Variants in PRR16 observed in about 807,000 individuals in gnomAD.
The protein encoded by PRR16 is proline rich 16.
In PRR16, 6 loss-of-function variants were observed where a neutral mutation model predicts 18.2. The ratio of observed to expected loss-of-function variants is 0.33; its 90% CI spans 0.18 to 0.65. The LOEUF (loss-of-function observed/expected upper bound fraction) is 0.65. Among genes scored for constraint, PRR16 ranks in the 30% least tolerant of loss-of-function variants. PRR16 has a pLI of 0.74. For synonymous variants in PRR16, 151 were observed against 147.8 expected (o/e 1.02, Z -0.16); for missense variants, 412 against 376.6 (o/e 1.09, Z -0.78).
chr5:120,485,892 A>G (rs1749782053), intron 1 of PRR16, among the ~76,000 whole-genome samples: 1 of 152,172 alleles, frequency 6.6e-6, no homozygotes, highest in Admixed American at 6.5e-5. Context: ...GAGTGAGAAC[A>G]TGCGACATTT....
intron 1 of PRR16, among the ~76,000 whole-genome samples, chr5:120,607,395 C>G (rs1754188192): frequency 6.6e-6 from 1 of 152,034 alleles, no homozygotes; most frequent in Admixed American, 6.6e-5. Context: ...GAAACTAAAA[C>G]AAACTTTTTA....
chr5:120,680,315 C>A (rs1238502107), intron 1 of PRR16, among the ~76,000 whole-genome samples: 1 of 152,082 alleles, frequency 6.6e-6, no homozygotes, highest in Non-Finnish European at 1.5e-5. Flanking sequence ...GATATACCTA[C>A]TGAATATATC....
At chr5:120,555,304 T>A (rs1406927399) in intron 1 of PRR16, among the ~76,000 whole-genome samples, 1 of 151,934 alleles carries the variant, frequency 6.6e-6, no homozygotes, top group Admixed American at 6.6e-5. Flanking sequence ...TAAGTCAGTT[T>A]TGAATAACAT....
Position 120,673,026 on chromosome 5 carries a change from G to A in PRR16, c.160-12928G>A, listed in dbSNP as rs545029362. Among the ~76,000 whole-genome samples the A allele has an allele frequency of 2.6e-5, 4 of 152,300 alleles. No individual in the cohort carries two copies. The East Asian group carries it at 7.7e-4, about 29-fold the overall frequency. ...AGGCATGAGTCTGTTAAAATCACAA[G>A]ATAGGTGATGAAAACAGGAATTAAA... On this transcript the variant is annotated intron_variant, in intron 1 of 1. Coordinates refer to ENST00000407149, the MANE Select transcript of PRR16 (RefSeq NM_001300783.2).
intron 1 of PRR16, chr5:120,658,195 T>C (rs1210585538): frequency 1.3e-5 from 2 of 151,990 alleles, no homozygotes; most frequent in East Asian, 3.9e-4. Flanking sequence ...GATTTCACAA[T>C]GGAAGGCATC....
intron 1 of PRR16, among the ~76,000 whole-genome samples, chr5:120,651,888 G>A (rs954165173): frequency 1.3e-5 from 2 of 151,954 alleles, no homozygotes; most frequent in African/African-American, 2.4e-5. Context: ...AGCTTGATGG[G>A]GATGGCATTG....
intron 1 of PRR16, among the ~76,000 whole-genome samples, chr5:120,672,236 GTC>G (rs1198241007): frequency 2.7e-5 from 3 of 112,630 alleles, no homozygotes; most frequent in African/African-American, 7.2e-5. Flanking sequence ...CAGGTGAGGG[GTC>G]TGTGTGTGTG....
At chr5:120,783,626 G>A in the PRR16 span, among the ~76,000 whole-genome samples, 1 of 152,056 alleles carries the variant, frequency 6.6e-6, no homozygotes, top group African/African-American at 2.4e-5. Flanking sequence ...AGGGGTATGT[G>A]AAATATTTTG....
At chr5:120,694,541 G>T in the PRR16 span, among the ~76,000 whole-genome samples, 3 of 151,858 alleles carry the variant, frequency 2.0e-5, no homozygotes, top group Non-Finnish European at 2.9e-5. Context: ...AAAATTAGCC[G>T]GGCGAGGTGG....
intron 1 of PRR16, among the ~76,000 whole-genome samples, chr5:120,663,227 T>C (rs756827395): frequency 6.6e-6 from 1 of 152,098 alleles, no homozygotes; most frequent in Non-Finnish European, 1.5e-5. Flanking sequence ...CCTTAGCTGA[T>C]AGTATTTCAA....
intron 1 of PRR16, chr5:120,618,430 G>T: frequency 1.1e-6 from 1 of 952,036 alleles, no homozygotes; most frequent in Non-Finnish European, 1.3e-6. Flanking sequence ...TAATTATACT[G>T]TTTTTTAACA....
At chr5:120,665,927 A>T (rs941075620) in intron 1 of PRR16, among the ~76,000 whole-genome samples, 1 of 152,058 alleles carries the variant, frequency 6.6e-6, no homozygotes, top group Non-Finnish European at 1.5e-5. Flanking sequence ...CTTAGGATTG[A>T]CTTGGCAATG....
chr5:120,535,603 C>A (rs139062550), intron 1 of PRR16, among the ~76,000 whole-genome samples: 2 of 152,246 alleles, frequency 1.3e-5, no homozygotes, highest in Non-Finnish European at 2.9e-5. Flanking sequence ...AGTTCAAAAT[C>A]AGCCTGGCCA....
chr5:120,772,070 T>G, the PRR16 span, among the ~76,000 whole-genome samples: 2 of 151,916 alleles, frequency 1.3e-5, no homozygotes, highest in African/African-American at 4.8e-5. Context: ...ATTCAAAGAT[T>G]AAAGAATATG....
intron 1 of PRR16, among the ~76,000 whole-genome samples, chr5:120,616,759 C>T (rs1470874345): frequency 6.6e-6 from 1 of 152,120 alleles, no homozygotes; most frequent in African/African-American, 2.4e-5. Flanking sequence ...TGGTAACCTA[C>T]AAAGCATCCA....
the PRR16 span, among the ~76,000 whole-genome samples, chr5:120,753,030 G>A: frequency 3.6e-3 from 545 of 151,964 alleles, 8 homozygotes; most frequent in African/African-American, 0.012. Flanking sequence ...TCCACGAATA[G>A]ATGAGGAAAC....
chr5:120,572,831 G>A (rs1279998027), intron 1 of PRR16, among the ~76,000 whole-genome samples: 1 of 152,080 alleles, frequency 6.6e-6, no homozygotes, highest in African/African-American at 2.4e-5. Context: ...TGTAGGGAAT[G>A]GTCAAATTGG....
intron 1 of PRR16, among the ~76,000 whole-genome samples, chr5:120,497,821 AT>A (rs200975756): frequency 1.1e-4 from 16 of 151,322 alleles, no homozygotes; most frequent in Admixed American, 4.0e-4. Flanking sequence ...CATTATATAT[AT>A]TTTTTTATTT....
At chr5:120,768,826 G>A in the PRR16 span, among the ~76,000 whole-genome samples, 2 of 151,630 alleles carry the variant, frequency 1.3e-5, no homozygotes, top group African/African-American at 4.8e-5. Context: ...TCCTTTCCCC[G>A]CTTAGACATT....
Sources: gnomAD v4.1 joint callset for allele counts (sites outside exome capture counted in the v4.1 genomes callset) on GRCh38, gnomAD v4.1.1 for gene constraint, MANE v1.5 for transcripts, NCBI Gene and HGNC (gene_info 2026-07-23, HGNC 2026-07-21) for gene names.